The following AEBP1 variants were observed in gnomAD, a reference collection of about 807,000 sequenced individuals.
The protein encoded by AEBP1 is adipocyte enhancer-binding protein 1.
Under a neutral mutation model 116.5 loss-of-function variants are expected in AEBP1, and 69 were observed. That is an observed-to-expected ratio of 0.59 (90% CI 0.49 to 0.72). AEBP1 has a LOEUF of 0.72. Ranked by LOEUF, AEBP1 falls within the 30% of genes least tolerant of loss-of-function variation. The pLI is 0.00. For synonymous variants in AEBP1, 627 were observed against 627.3 expected (o/e 1.00, Z 0.01); for missense variants, 1,444 against 1,557.5 (o/e 0.93, Z 1.23).
chr7:44,109,515 C>A, intron 9 of AEBP1, 174 bp downstream of exon 9: 2 of 731,970 alleles, frequency 2.7e-6, no homozygotes, highest in Non-Finnish European at 4.3e-6. Context: ...CGCTTGGCTG[C>A]CCCAGCCCTG....
In AEBP1 at chr7:44,108,868, G is replaced by A. The variant is rs2096225754; in HGVS notation, c.941-31G>A. On this transcript the variant is annotated intron_variant, in intron 6 of 20. Transcript: ENST00000223357. The surrounding 1 kb of genome is among the most constrained non-coding windows in gnomAD (Gnocchi z 5.0). ...AGCTGAGGCCCCGCAGCAGGGTCAG[G>A]GCAGCCTCAGCTGGCTCTCCCTCCC... 2 of 1,552,480 alleles carry A rather than the reference G, an allele frequency of 1.3e-6. No homozygotes were observed. The highest frequency in any genetic ancestry group is 1.7e-6 in the Non-Finnish European group (2 of 1,147,470).
At position 44,111,877 on chromosome 7, in the gene AEBP1, G is replaced by A. The variant is rs1313007460; in HGVS notation, c.1864G>A (p.Ala622Thr). 7 of 1,613,438 alleles carry A rather than the reference G, an allele frequency of 4.3e-6. No homozygotes were observed. The highest frequency in any genetic ancestry group is 5.1e-6 in the Non-Finnish European group (6 of 1,179,984). Residue 622 changes from alanine (A) to threonine (T), a missense_variant, in exon 16 of 21, where the codon GCT (alanine) becomes ACT (threonine). Coordinates refer to ENST00000223357, the MANE Select transcript of AEBP1 (RefSeq NM_001129.5). The surrounding 1 kb of genome is among the most constrained non-coding windows in gnomAD (Gnocchi z 4.7). ...AGGGGAGCCCGAGTTCCGCTACACT[G>A]CTGGGATCCATGGCAACGAGGTGCT... ...ELGEPEFRYTAGIHGNEVLGR... is the reference protein window; with the variant it reads ...ELGEPEFRYTTGIHGNEVLGR...
In AEBP1 at chr7:44,107,438, G is replaced by A. The variant is rs759164326; in HGVS notation, c.596-1G>A. 6 of 1,613,248 alleles carry A rather than the reference G, an allele frequency of 3.7e-6. No individual in the cohort carries two copies. The South Asian group carries it at 6.6e-5, about 18-fold the overall frequency. On this transcript the variant is annotated splice_acceptor_variant, in intron 2 of 20. Coordinates refer to ENST00000223357, the MANE Select transcript of AEBP1 (RefSeq NM_001129.5). LOFTEE classifies it high-confidence loss of function. The surrounding 1 kb of genome is among the most constrained non-coding windows in gnomAD (Gnocchi z 4.3). ...CTGCTTCTGGAACTCCTGTGTTGCA[G>A]GGGCGCCCCTCTCAAATAACTGGCA...
In AEBP1 at chr7:44,108,921, T is replaced by C. The variant is rs2096225824; in HGVS notation, c.963T>C (p.Pro321=). Residue 321 remains proline, a synonymous_variant, in exon 7 of 21, where the codon CCT becomes CCC. Transcript: ENST00000223357. This position sits in a 1 kb window ranked among gnomAD's most constrained non-coding sequence, Gnocchi z 5.0. ...YDDMDYYFGP[P]PPQKPDAERQ... Reference sequence around the variant, plus strand: ...TAGTGGACTATTACTTTGGGCCTCCTCCGCCCCAGAAGCCCGATGCTGAGC... The same window carrying C: ...TAGTGGACTATTACTTTGGGCCTCCCCCGCCCCAGAAGCCCGATGCTGAGC... 1 of 1,592,200 alleles carries C rather than the reference T, an allele frequency of 6.3e-7. No homozygotes were observed. The highest frequency in any genetic ancestry group is 1.3e-5 in the African/African-American group (1 of 74,322).
Position 44,112,256 on chromosome 7 carries a change from G to A in AEBP1, c.2152G>A (p.Val718Ile), listed in dbSNP as rs1347974341. The A allele has an allele frequency of 1.2e-6, 2 of 1,601,076 alleles. No individual in the cohort carries two copies. The highest frequency in any genetic ancestry group is 1.7e-6 in the Non-Finnish European group (2 of 1,171,502). Residue 718 changes from valine (V) to isoleucine (I), a missense_variant, in exon 17 of 21, where the codon GTC (valine) becomes ATC (isoleucine). Physicochemically the swap from Val to Ile is conservative, Grantham distance 29. Transcript: ENST00000223357. This position sits in a 1 kb window ranked among gnomAD's most constrained non-coding sequence, Gnocchi z 6.6. ...VLWGAEERKWVPYRVPNNNLP... is the reference protein window; with the variant it reads ...VLWGAEERKWIPYRVPNNNLP... Reference sequence around the variant, plus strand: ...CTGGGGAGCTGAGGAGAGGAAATGGGTCCCCTACCGGGTCCCCAACAATAA... The same window carrying A: ...CTGGGGAGCTGAGGAGAGGAAATGGATCCCCTACCGGGTCCCCAACAATAA...
rs1228468027 is a variant in AEBP1 at position 44,111,686 on chromosome 7, T to C, written c.1840+56T>C. 2.5e-6 allele frequency: 4 copies of C among 1,602,214 alleles called. No homozygotes were observed. Among genetic ancestry groups the C allele is most frequent in the African/African-American group, 1.3e-5 (1 of 74,348 alleles). On this transcript the variant is annotated intron_variant, in intron 15 of 20. Transcript: ENST00000223357. The surrounding 1 kb of genome is among the most constrained non-coding windows in gnomAD (Gnocchi z 4.7). ...TCTGCTGCTGATGTGCAGAGCTCAC[T>C]GCCTCCCGCCTGTTCCGGAGCCTCT...
At position 44,105,001 on chromosome 7, in the gene AEBP1, C is replaced by T. The variant is rs113674927; in HGVS notation, c.253+83C>T. ...GGGATTCGGTAGGGTCTGGCCACTC[C>T]CCAGTCTGCTAGGGGAGGAATGGCT... On this transcript the variant is annotated intron_variant, in intron 1 of 20. Transcript: ENST00000223357. 26 of 1,159,578 alleles carry T rather than the reference C, an allele frequency of 2.2e-5. No homozygotes were observed. The African/African-American group carries it at 2.8e-4, about 12-fold the overall frequency. 71.8% of individuals were successfully genotyped at this position (1,159,578 alleles called of 1,614,324 possible).
Position 44,113,502 on chromosome 7 carries a change from A to AG in AEBP1, c.2810-87dup. On this transcript the variant is annotated intron_variant, in intron 20 of 20. Transcript: ENST00000223357. The surrounding 1 kb of genome is among the most constrained non-coding windows in gnomAD (Gnocchi z 5.3). ...GGCGGTGCTGGGGGCGGGAACTCAG[A>AG]GGGGGAGGGCGGGGCTGGGGGCAGG... The AG allele has an allele frequency of 8.0e-7, 1 of 1,253,274 alleles. No individual in the cohort carries two copies. Among genetic ancestry groups the AG allele is most frequent in the Non-Finnish European group, 1.0e-6 (1 of 990,608 alleles). 77.6% of individuals were successfully genotyped at this position (1,253,274 alleles called of 1,614,324 possible).
At position 44,109,217 on chromosome 7, in the gene AEBP1, G is replaced by A. The variant is rs779078824; in HGVS notation, c.1096+33G>A. 4.3e-6 allele frequency: 7 copies of A among 1,612,916 alleles called. No individual in the cohort carries two copies. In the East Asian group the frequency reaches 1.3e-4, roughly 31 times the overall value. On this transcript the variant is annotated intron_variant, in intron 8 of 20. Transcript: ENST00000223357. ...GCTGGGGCTTGGGGCCTGGGTCCCT[G>A]TGGGGCAGCATCTGGACTCCTGATT... is the stretch of plus-strand genomic sequence containing the variant.
chr7:44,104,675 G>A lies in AEBP1; in HGVS notation c.10G>A (p.Val4Met). Reference protein sequence around the residue: MAAVRGAPLLSCLL... With the variant: MAAMRGAPLLSCLL... ...CGCGCGTGCCGCGGCCATGGCGGCC[G>A]TGCGCGGGGCGCCCCTGCTCAGCTG... is the stretch of plus-strand genomic sequence containing the variant. The change falls in exon 1 of 21, where the codon GTG becomes ATG. Residue 4 changes from valine to methionine, a missense_variant. Physicochemically the swap from Val to Met is conservative, Grantham distance 21. Transcript: ENST00000223357. The A allele has an allele frequency of 6.6e-7, 1 of 1,520,386 alleles. No individual in the cohort carries two copies. Among genetic ancestry groups the A allele is most frequent in the Non-Finnish European group, 8.8e-7 (1 of 1,137,672 alleles). 94.2% of individuals were successfully genotyped at this position (1,520,386 alleles called of 1,614,324 possible). A position where few individuals can be genotyped will look rare whatever the true frequency, so the allele number is the denominator to read the frequency against.
In AEBP1 at chr7:44,104,499, T is replaced by C. The variant is rs1358636101; in HGVS notation, c.-167T>C. 2.4e-6 allele frequency: 1 copy of C among 421,488 alleles called. No individual in the cohort carries two copies. Among genetic ancestry groups the C allele is most frequent in the East Asian group, 4.3e-5 (1 of 23,116 alleles). 26.1% of individuals were successfully genotyped at this position (421,488 alleles called of 1,614,324 possible). On this transcript the variant is annotated 5_prime_UTR_variant, in exon 1 of 21. Coordinates refer to ENST00000223357, the MANE Select transcript of AEBP1 (RefSeq NM_001129.5). ...CCTTCCCGGGTCCCCTCGCCCACCC[T>C]AATCCACTCTCCCTCCCTTTCCCGG...
Position 44,107,727 on chromosome 7 carries a change from T to G in AEBP1, c.739+27T>G. ...TGAGTAGGGTCCTGCCAGCCCCACC[T>G]GGGTCGGACCCCTGGCCTGGGGGAT... On this transcript the variant is annotated intron_variant, in intron 4 of 20. Coordinates refer to ENST00000223357, the MANE Select transcript of AEBP1 (RefSeq NM_001129.5). This position sits in a 1 kb window ranked among gnomAD's most constrained non-coding sequence, Gnocchi z 4.3. 6.2e-7 allele frequency: 1 copy of G among 1,613,278 alleles called. No individual in the cohort carries two copies. The highest frequency in any genetic ancestry group is 8.5e-7 in the Non-Finnish European group (1 of 1,179,894).
At position 44,113,822 on chromosome 7, in the gene AEBP1, C is replaced by T; in HGVS notation, c.3038C>T (p.Pro1013Leu). ...PHIDPSRPMT[P>L]QQRRLQQRRL... ...ATAGACCCATCGCGCCCTATGACCC[C>T]CCAACAGCGACGCCTGCAGCAGCGA... The change falls in exon 21 of 21, where the codon CCC becomes CTC. Residue 1013 changes from proline (P) to leucine (L), a missense_variant. By Grantham distance (98) the Pro-to-Leu change is moderately conservative. Transcript: ENST00000223357. The surrounding 1 kb of genome is among the most constrained non-coding windows in gnomAD (Gnocchi z 5.3). 1 of 1,614,012 alleles carries T rather than the reference C, an allele frequency of 6.2e-7. No homozygotes were observed. The highest frequency in any genetic ancestry group is 8.5e-7 in the Non-Finnish European group (1 of 1,179,978).
intron 9 of AEBP1, chr7:44,109,806 C>T (rs929131069): frequency 1.7e-6 from 1 of 598,056 alleles, no homozygotes; most frequent in Non-Finnish European, 3.0e-6. Context: ...AGGGGAAGCA[C>T]AGGCTGGGAT....
In AEBP1 at chr7:44,107,744, C is replaced by A. The variant is rs1424902394; in HGVS notation, c.739+44C>A. The A allele has an allele frequency of 1.2e-6, 2 of 1,613,142 alleles. No homozygotes were observed. Among genetic ancestry groups the A allele is most frequent in the Non-Finnish European group, 1.7e-6 (2 of 1,179,886 alleles). ...GCCCCACCTGGGTCGGACCCCTGGC[C>A]TGGGGGATGTGCCAATGGGCCCATC... On this transcript the variant is annotated intron_variant, in intron 4 of 20. Transcript: ENST00000223357. This position sits in a 1 kb window ranked among gnomAD's most constrained non-coding sequence, Gnocchi z 4.3.
Position 44,112,137 on chromosome 7 carries a change from C to T in AEBP1, c.2038-5C>T. The T allele has an allele frequency of 3.1e-6, 5 of 1,597,148 alleles. No homozygotes were observed. In the African/African-American group the frequency reaches 4.0e-5, roughly 13 times the overall value. On this transcript the variant is annotated splice_polypyrimidine_tract_variant and splice_region_variant and intron_variant, in intron 16 of 20. Coordinates refer to ENST00000223357, the MANE Select transcript of AEBP1 (RefSeq NM_001129.5). The surrounding 1 kb of genome is among the most constrained non-coding windows in gnomAD (Gnocchi z 6.6). ...GCCGATGCCTACCCTGCTGGCTCCC[C>T]ACAGGGCTCAGAGTTTGGGAACTGG...
intron 11 of AEBP1, 132 bp from the exon 12 acceptor site, chr7:44,110,593 G>A: frequency 9.8e-7 from 1 of 1,017,014 alleles, no homozygotes; most frequent in Non-Finnish European, 1.4e-6. Flanking sequence ...ATAGGACCCA[G>A]GCTCAACACC....
In AEBP1 at chr7:44,107,260, A is replaced by G. The variant is rs748648584; in HGVS notation, c.596-179A>G. 6.6e-6 allele frequency among the ~76,000 whole-genome samples: 1 copy of G among 152,262 alleles called. No individual in the cohort carries two copies. The highest frequency in any genetic ancestry group is 3.4e-3 in the Middle Eastern group (1 of 294). ...AAGGTGGGCCCAGCTCTCTGGCCCCATGAGATGCCAGCAGGATGCTGAAGG... is the reference window on the plus strand; with the variant it reads ...AAGGTGGGCCCAGCTCTCTGGCCCCGTGAGATGCCAGCAGGATGCTGAAGG... On this transcript the variant is annotated intron_variant, in intron 2 of 20. Transcript: ENST00000223357. This position sits in a 1 kb window ranked among gnomAD's most constrained non-coding sequence, Gnocchi z 4.3.
At position 44,104,662 on chromosome 7, in the gene AEBP1, G is replaced by T. The variant is rs762832519; in HGVS notation, c.-4G>T. ...CCCCGGAGCCCCCCGCGCGTGCCGC[G>T]GCCATGGCGGCCGTGCGCGGGGCGC... On this transcript the variant is annotated 5_prime_UTR_variant, in exon 1 of 21. Coordinates refer to ENST00000223357, the MANE Select transcript of AEBP1 (RefSeq NM_001129.5). The T allele has an allele frequency of 3.1e-5, 45 of 1,471,750 alleles. No individual in the cohort carries two copies. Among genetic ancestry groups the T allele is most frequent in the Admixed American group, 1.9e-4 (7 of 36,218 alleles). The allele number at this position is 1,471,750 out of a possible 1,614,324, so 91.2% of individuals were successfully genotyped here.
Sources: gnomAD v4.1 joint callset for allele counts (sites outside exome capture counted in the v4.1 genomes callset) on GRCh38, gnomAD v4.1.1 for gene constraint, Gnocchi (gnomAD v3.1) non-coding constraint, MANE v1.5 for transcripts, NCBI Gene and HGNC (gene_info 2026-07-23, HGNC 2026-07-21) for gene names.